MUC5AC: variants seen among roughly 807,000 people sequenced by gnomAD.
MUC5AC encodes mucin 5AC, oligomeric mucus/gel-forming.
MUC5AC carries 158 observed loss-of-function variants against 169.7 expected under a neutral mutation model. The ratio of observed to expected loss-of-function variants is 0.93; its 90% CI spans 0.82 to 1.06. MUC5AC has a LOEUF of 1.06. Ranked by LOEUF, MUC5AC falls within the 50% of genes least tolerant of loss-of-function variation. MUC5AC has a pLI of 0.00. For missense variants in MUC5AC, 4,359 were observed against 3,089.9 expected (o/e 1.41, Z -9.74); for synonymous variants, 1,975 against 1,237.0 (o/e 1.60, Z -12.52).
chr11:1,199,060 C>A (rs781438979), intron 44 of MUC5AC, 27 bp from the exon 45 acceptor site: 2 of 763,382 alleles, frequency 2.6e-6, no homozygotes, highest in Non-Finnish European at 4.8e-6. Flanking sequence ...CGCCTGGATT[C>A]CAGCCACATG....
intron 15 of MUC5AC, among the ~76,000 whole-genome samples, chr11:1,170,629 C>T (rs1294913202): frequency 2.2e-3 from 266 of 120,568 alleles, no homozygotes; most frequent in African/African-American, 3.3e-3. Flanking sequence ...ACTCACTCAC[C>T]CACTCACCCA....
chr11:1,186,401 T>C lies in MUC5AC; in HGVS notation c.8256T>C (p.Pro2752=). 1 of 705,630 alleles carries C rather than the reference T, an allele frequency of 1.4e-6. No homozygotes were observed. The highest frequency in any genetic ancestry group is 2.0e-5 in the Admixed American group (1 of 50,098). The allele number at this position is 705,630 out of a possible 1,614,324, so 43.7% of individuals were successfully genotyped here. ...CTACACCCAGAAGAACCTCAGCCCC[T>C]ACAACCAGCACAATCTCTGCCTCTA... ...SAPTPRRTSA[P]TTSTISASTT... The change falls in exon 31 of 49, where the codon CCT becomes CCC. Residue 2752 remains proline (P), a synonymous_variant. Transcript: ENST00000621226.
intron 32 of MUC5AC, among the ~76,000 whole-genome samples, chr11:1,193,270 G>A (rs1861170366): frequency 6.6e-6 from 1 of 151,594 alleles, no homozygotes; most frequent in Admixed American, 6.6e-5. Context: ...AGGGAGTGTG[G>A]CAGAGCCAGG....
At position 1,180,033 on chromosome 11, in the gene MUC5AC, GA is replaced by G. The variant is rs1286433842; in HGVS notation, c.3497del (p.Asp1166AlafsTer173). ...CTTCCTCCCTGCAGCTCTGTTCTGCGACTACTACAACCCCGAAGGCCAGTGC... is the reference window on the plus strand; with the variant it reads ...CTTCCTCCCTGCAGCTCTGTTCTGCGCTACTACAACCCCGAAGGCCAGTGC... ...RTPSICPLFC[D>X]YYNPEGQCEW... is the part of the protein sequence containing the mutation. On this transcript the variant is annotated frameshift_variant, in exon 27 of 49. Coordinates refer to ENST00000621226, the MANE Select transcript of MUC5AC (RefSeq NM_001304359.2). LOFTEE classifies it high-confidence loss of function. 2.5e-6 allele frequency: 1 copy of G among 398,978 alleles called. No homozygotes were observed. The highest frequency in any genetic ancestry group is 4.4e-6 in the Non-Finnish European group (1 of 226,342). The allele number at this position is 398,978 out of a possible 1,614,324, so 24.7% of individuals were successfully genotyped here. A position where few individuals can be genotyped will look rare whatever the true frequency, so the allele number is the denominator to read the frequency against.
chr11:1,176,919 G>A lies in MUC5AC; in HGVS notation c.2655-9G>A. Reference sequence around the variant, plus strand: ...GTGTGCTCTAGCCTGACCCCCAGATGTCCCCCAGCACCTGTGACAGCAGGA... The same window carrying A: ...GTGTGCTCTAGCCTGACCCCCAGATATCCCCCAGCACCTGTGACAGCAGGA... On this transcript the variant is annotated splice_polypyrimidine_tract_variant and intron_variant, in intron 21 of 48. Transcript: ENST00000621226. 1 of 398,798 alleles carries A rather than the reference G, an allele frequency of 2.5e-6. No individual in the cohort carries two copies. Among genetic ancestry groups the A allele is most frequent in the East Asian group, 3.6e-5 (1 of 28,074 alleles). The allele number at this position is 398,798 out of a possible 1,614,324, so 24.7% of individuals were successfully genotyped here. A position where few individuals can be genotyped will look rare whatever the true frequency, so the allele number is the denominator to read the frequency against.
At position 1,172,436 on chromosome 11, in the gene MUC5AC, T is replaced by C; in HGVS notation, c.1878T>C (p.Tyr626=). 2.5e-6 allele frequency: 1 copy of C among 398,688 alleles called. No homozygotes were observed. Among genetic ancestry groups the C allele is most frequent in the Non-Finnish European group, 4.4e-6 (1 of 226,084 alleles). 24.7% of individuals were successfully genotyped at this position (398,688 alleles called of 1,614,324 possible). The change falls in exon 16 of 49, where the codon TAT becomes TAC. Residue 626 remains tyrosine, a synonymous_variant. Coordinates refer to ENST00000621226, the MANE Select transcript of MUC5AC (RefSeq NM_001304359.2). ...PCSLSVENEK[Y]AQHWCSQLTD... ...TCCCTCCTCTGTCCACAGAGAAGTA[T>C]GCTCAGCACTGGTGCTCGCAGCTGA...
intron 11 of MUC5AC, 66 bp downstream of exon 11, chr11:1,165,826 C>T (rs904242277): frequency 6.3e-7 from 1 of 1,597,118 alleles, no homozygotes; most frequent in Non-Finnish European, 8.5e-7. Flanking sequence ...CCCACAGGCT[C>T]CCCCAGCTTG....
intron 1 of MUC5AC, among the ~76,000 whole-genome samples, chr11:1,159,118 C>T (rs964721774): frequency 6.6e-5 from 10 of 152,150 alleles, no homozygotes; most frequent in African/African-American, 1.9e-4. Flanking sequence ...CCGTCTCCCC[C>T]ACGGGGCTTG....
Position 1,186,511 on chromosome 11 carries a change from C to A in MUC5AC, c.8366C>A (p.Thr2789Asn). 1 of 695,534 alleles carries A rather than the reference C, an allele frequency of 1.4e-6. No individual in the cohort carries two copies. The highest frequency in any genetic ancestry group is 2.7e-5 in the East Asian group (1 of 37,246). The allele number at this position is 695,534 out of a possible 1,614,324, so 43.1% of individuals were successfully genotyped here. ...ATCTCTGCCCCTACAACCAGCACAA[C>A]TTTGTCTCCTACAACCAGCACAACC... Reference protein sequence around the residue: ...STISAPTTSTTLSPTTSTTST... With the variant: ...STISAPTTSTNLSPTTSTTST... Residue 2789 changes from threonine to asparagine, a missense_variant, in exon 31 of 49, where the codon ACT (threonine) becomes AAT (asparagine). By Grantham distance (65) the Thr-to-Asn change is moderately conservative. Coordinates refer to ENST00000621226, the MANE Select transcript of MUC5AC (RefSeq NM_001304359.2).
chr11:1,158,038 C>T lies in MUC5AC; in HGVS notation c.39C>T (p.Ala13=), dbSNP rs1286058951. ...GGAGGAAGCTGGCCCTGCTCTGGGC[C>T]CTGGCTCTCGCTCTGGCCTGCACCC... ...VGRRKLALLW[A]LALALACTRH... Residue 13 remains alanine (A), a synonymous_variant, in exon 1 of 49, where the codon GCC becomes GCT. Transcript: ENST00000621226. 1 of 1,607,986 alleles carries T rather than the reference C, an allele frequency of 6.2e-7. No homozygotes were observed. Among genetic ancestry groups the T allele is most frequent in the Non-Finnish European group, 8.5e-7 (1 of 1,178,250 alleles).
chr11:1,197,429 G>T, intron 40 of MUC5AC, 39 bp from the exon 41 acceptor site: 1 of 697,882 alleles, frequency 1.4e-6, no homozygotes, highest in South Asian at 1.5e-5. Flanking sequence ...CCTGGGTGGA[G>T]CCGCTGCGGA....
intron 31 of MUC5AC, 80 bp downstream of exon 31, chr11:1,192,605 T>A (rs1861152202): frequency 1.4e-6 from 1 of 723,272 alleles, no homozygotes. Context: ...GCTGTGATGA[T>A]GATAGGAGTC....
chr11:1,158,374 G>T (rs576737075), intron 1 of MUC5AC, among the ~76,000 whole-genome samples: 3 of 152,208 alleles, frequency 2.0e-5, no homozygotes, highest in Non-Finnish European at 4.4e-5. Flanking sequence ...CCCAGAAGCC[G>T]ACAGCACCTG....
Position 1,187,534 on chromosome 11 carries a change from C to G in MUC5AC, c.9389C>G (p.Thr3130Ser). The G allele has an allele frequency of 4.0e-6, 3 of 750,054 alleles. No homozygotes were observed. The highest frequency in any genetic ancestry group is 7.3e-6 in the Non-Finnish European group (3 of 410,680). The allele number at this position is 750,054 out of a possible 1,614,324, so 46.5% of individuals were successfully genotyped here. ...LGTTPSPIPT[T>S]STTSPPTTST... ...ACTACTCCCAGCCCTATTCCTACCA[C>G]CAGCACAACCTCTCCTCCTACAACC... is the stretch of plus-strand genomic sequence containing the variant. The change falls in exon 31 of 49, where the codon ACC becomes AGC. Residue 3130 changes from threonine (T) to serine (S), a missense_variant. Transcript: ENST00000621226.
Position 1,185,266 on chromosome 11 carries a change from C to T in MUC5AC, c.7121C>T (p.Ser2374Phe). The T allele has an allele frequency of 1.5e-6, 1 of 671,840 alleles. No individual in the cohort carries two copies. Among genetic ancestry groups the T allele is most frequent in the Non-Finnish European group, 2.7e-6 (1 of 369,160 alleles). 41.6% of individuals were successfully genotyped at this position (671,840 alleles called of 1,614,324 possible). The change falls in exon 31 of 49, where the codon TCT (serine) becomes TTT (phenylalanine). Residue 2374 changes from serine (S) to phenylalanine (F), a missense_variant. Transcript: ENST00000621226. ...TCTGCTCCTACAACCAGCACAACCT[C>T]TGCCCGTACAAGCAGCACAACCTCT... ...TTSAPTTSTT[S>F]ARTSSTTSAT...
intron 15 of MUC5AC, among the ~76,000 whole-genome samples, chr11:1,169,779 C>CACTCACGCTTTCACCCACTCACCT: frequency 1.4e-5 from 2 of 148,096 alleles, no homozygotes; most frequent in Non-Finnish European, 3.0e-5. Context: ...CCCACTCACC[C>CACTCACGCTTTCACCCACTCACCT]ACTCACGCTT....
chr11:1,179,152 G>T lies in MUC5AC; in HGVS notation c.3388G>T (p.Gly1130Cys). 1 of 678,126 alleles carries T rather than the reference G, an allele frequency of 1.5e-6. No individual in the cohort carries two copies. 42.0% of individuals were successfully genotyped at this position (678,126 alleles called of 1,614,324 possible). A position where few individuals can be genotyped will look rare whatever the true frequency, so the allele number is the denominator to read the frequency against. Residue 1130 changes from glycine to cysteine, a missense_variant, in exon 26 of 49, where the codon GGT becomes TGT. Coordinates refer to ENST00000621226, the MANE Select transcript of MUC5AC (RefSeq NM_001304359.2). ...VNDACACDSGGDCECFCTAVA... is the reference protein window; with the variant it reads ...VNDACACDSGCDCECFCTAVA... The stretch of plus-strand genomic sequence containing the variant: ...CGACGCGTGCGCCTGCGACTCCGGG[G>T]GTGACTGCGAGTGCTTCTGCACGGC...
chr11:1,173,107 CAT>C (rs1860588177), intron 16 of MUC5AC, among the ~76,000 whole-genome samples: 1 of 152,018 alleles, frequency 6.6e-6, no homozygotes, highest in Non-Finnish European at 1.5e-5. Context: ...CTCACTCATT[CAT>C]TCACTCATAT....
intron 35 of MUC5AC, 50 bp downstream of exon 35, chr11:1,194,720 G>C (rs1258693706): frequency 1.4e-6 from 1 of 707,858 alleles, no homozygotes; most frequent in East Asian, 2.5e-5. Flanking sequence ...GGGGGCGGGG[G>C]TGCCGGGCAG....
Sources: gnomAD v4.1 joint callset for allele counts (sites outside exome capture counted in the v4.1 genomes callset) on GRCh38, gnomAD v4.1.1 for gene constraint, MANE v1.5 for transcripts, NCBI Gene and HGNC (gene_info 2026-07-23, HGNC 2026-07-21) for gene names.